Variants in TRERF1 observed in about 807,000 individuals in gnomAD.
TRERF1 encodes transcriptional regulating factor 1, also known as transcriptional-regulating factor 1.
TRERF1 carries 27 observed loss-of-function variants against 122.9 expected under a neutral mutation model. That is an observed-to-expected ratio of 0.22 (90% CI 0.16 to 0.30). TRERF1 has a LOEUF of 0.30. TRERF1 is among the 10% of genes least tolerant of loss of function. The pLI is 1.00. For missense variants in TRERF1, 1,248 were observed against 1,560.3 expected (o/e 0.80, Z 3.37); for synonymous variants, 636 against 641.7 (o/e 0.99, Z 0.13).
Position 42,269,593 on chromosome 6 carries a change from T to C in TRERF1, c.-3A>G. 6.2e-6 allele frequency: 10 copies of C among 1,612,344 alleles called. No individual in the cohort carries two copies. Among genetic ancestry groups the C allele is most frequent in the Non-Finnish European group, 8.5e-6 (10 of 1,178,576 alleles). ...TTGTACAGTTGCTGGTCACCCATGC[T>C]GTCTGCCTTGGTTGTGAACGTCCAG... is the stretch of plus-strand genomic sequence containing the variant. On this transcript the variant is annotated 5_prime_UTR_variant, in exon 5 of 18. Transcript: ENST00000372922. The surrounding 1 kb of genome is among the most constrained non-coding windows in gnomAD (Gnocchi z 4.9).
chr6:42,335,963 G>C (rs1766094107), intron 3 of TRERF1, among the ~76,000 whole-genome samples: 2 of 152,214 alleles, frequency 1.3e-5, no homozygotes, highest in Admixed American at 1.3e-4. Flanking sequence ...TTTTACATTT[G>C]TGCTGTTCAA....
At chr6:42,382,399 C>T (rs139375565) in intron 2 of TRERF1, among the ~76,000 whole-genome samples, 182 of 150,044 alleles carry the variant, frequency 1.2e-3, no homozygotes, top group Non-Finnish European at 1.8e-3. Context: ...TTAGCAAAAT[C>T]CTTCTCAAAG....
intron 3 of TRERF1, among the ~76,000 whole-genome samples, chr6:42,351,285 A>T (rs1769395212): frequency 6.6e-6 from 1 of 152,230 alleles, no homozygotes; most frequent in Non-Finnish European, 1.5e-5. Context: ...TCCCTGATGA[A>T]ATAATCAGAG....
In TRERF1 at chr6:42,268,974, TG is replaced by T; in HGVS notation, c.616del (p.Gln206SerfsTer127). On this transcript the variant is annotated frameshift_variant, in exon 5 of 18. Coordinates refer to ENST00000372922, the Ensembl canonical transcript of TRERF1. LOFTEE classifies it high-confidence loss of function. The surrounding 1 kb of genome is among the most constrained non-coding windows in gnomAD (Gnocchi z 4.4). Reference sequence around the variant, plus strand: ...ACCAGTGAAACCAGGGTGAGGCTGCTGGGGCACCTGCTGGTAGCGGGAAGGG... The same window carrying T: ...ACCAGTGAAACCAGGGTGAGGCTGCTGGGCACCTGCTGGTAGCGGGAAGGG... The T allele has an allele frequency of 6.2e-7, 1 of 1,612,298 alleles. No homozygotes were observed. The highest frequency in any genetic ancestry group is 8.5e-7 in the Non-Finnish European group (1 of 1,178,670).
intron 15 of TRERF1, 31 bp downstream of exon 15, chr6:42,243,217 G>T: frequency 6.3e-7 from 1 of 1,588,686 alleles, no homozygotes. Flanking sequence ...AGCTGTCCCA[G>T]CACAAGCAAC....
intron 3 of TRERF1, among the ~76,000 whole-genome samples, chr6:42,339,963 A>G (rs1296551762): frequency 6.6e-6 from 1 of 152,200 alleles, no homozygotes; most frequent in African/African-American, 2.4e-5. Context: ...TTCTGCGACC[A>G]TCAACATGTC....
intron 1 of TRERF1, among the ~76,000 whole-genome samples, chr6:42,451,760 C>G (rs1469708259): frequency 2.6e-5 from 4 of 152,096 alleles, no homozygotes; most frequent in Non-Finnish European, 5.9e-5. Context: ...GCCCTGCTCC[C>G]CTTCCTGCCC....
intron 2 of TRERF1, among the ~76,000 whole-genome samples, chr6:42,389,902 G>A (rs1311721986): frequency 1.3e-5 from 2 of 152,196 alleles, no homozygotes; most frequent in African/African-American, 4.8e-5. Context: ...TTGTCTAAAG[G>A]AACAATCTCT....
intron 3 of TRERF1, among the ~76,000 whole-genome samples, chr6:42,324,279 C>A (rs1763924828): frequency 6.6e-6 from 1 of 152,166 alleles, no homozygotes; most frequent in Non-Finnish European, 1.5e-5. Flanking sequence ...AAAAAACATT[C>A]CATGCTCTTG....
intron 3 of TRERF1, among the ~76,000 whole-genome samples, chr6:42,341,335 G>A (rs260275): frequency 0.036 from 5,432 of 152,302 alleles, 200 homozygotes; most frequent in African/African-American, 0.1. Flanking sequence ...AAATATCAAT[G>A]AGCATCATTC....
At chr6:42,266,005 C>T (rs1029665044) in intron 5 of TRERF1, among the ~76,000 whole-genome samples, 9 of 151,990 alleles carry the variant, frequency 5.9e-5, no homozygotes, top group African/African-American at 1.7e-4. Context: ...TTGGGACCAC[C>T]GCCCCACTCC....
At chr6:42,434,776 G>T (rs1301827107) in intron 2 of TRERF1, among the ~76,000 whole-genome samples, 1 of 151,364 alleles carries the variant, frequency 6.6e-6, no homozygotes, top group African/African-American at 2.4e-5. Flanking sequence ...TATATGGAAG[G>T]AAATGAAGAA....
intron 2 of TRERF1, among the ~76,000 whole-genome samples, chr6:42,400,495 T>C (rs945984048): frequency 6.6e-6 from 1 of 152,060 alleles, no homozygotes; most frequent in African/African-American, 2.4e-5. Context: ...TTATTGGGGG[T>C]ACACCTGGGG....
chr6:42,230,596 G>A (rs191849524), intron 17 of TRERF1, among the ~76,000 whole-genome samples: 29 of 152,222 alleles, frequency 1.9e-4, no homozygotes, highest in Non-Finnish European at 3.2e-4. Flanking sequence ...TCAGCTGAGG[G>A]TGGTTCCATC....
At chr6:42,443,110 T>C (rs921991867) in intron 2 of TRERF1, among the ~76,000 whole-genome samples, 3 of 152,198 alleles carry the variant, frequency 2.0e-5, no homozygotes, top group Admixed American at 1.3e-4. Context: ...CTTCTCTCTA[T>C]GAAACCAAAT....
chr6:42,376,323 C>A (rs1343917615), intron 2 of TRERF1, among the ~76,000 whole-genome samples: 3 of 152,204 alleles, frequency 2.0e-5, no homozygotes, highest in Non-Finnish European at 4.4e-5. Flanking sequence ...CACATATCCG[C>A]TTAGCATGAA....
intron 3 of TRERF1, among the ~76,000 whole-genome samples, chr6:42,358,783 C>CTT (rs397886998): frequency 3.9e-4 from 49 of 125,124 alleles, no homozygotes; most frequent in Admixed American, 7.4e-4. Flanking sequence ...TGACCTAAAG[C>CTT]TTTTTTTTTT....
At chr6:42,348,046 A>G (rs1261826272) in intron 3 of TRERF1, among the ~76,000 whole-genome samples, 1 of 152,238 alleles carries the variant, frequency 6.6e-6, no homozygotes, top group African/African-American at 2.4e-5. Context: ...AACCTTGCCA[A>G]TAGTGACCTT....
In TRERF1 at chr6:42,351,855, T is replaced by C. The variant is rs1232345523; in HGVS notation, c.-371+11142A>G. 5.3e-5 allele frequency among the ~76,000 whole-genome samples: 8 copies of C among 152,234 alleles called. No individual in the cohort carries two copies. In the East Asian group the frequency reaches 1.5e-3, roughly 29 times the overall value. On this transcript the variant is annotated intron_variant, in intron 3 of 17. Coordinates refer to ENST00000372922, the Ensembl canonical transcript of TRERF1. The stretch of plus-strand genomic sequence containing the variant: ...CAGGGGACTCCAAGACCCTAGGGAA[T>C]GGAAGAGCAACCAATGGAAGGGGCC...
Sources: gnomAD v4.1 joint callset for allele counts (sites outside exome capture counted in the v4.1 genomes callset) on GRCh38, gnomAD v4.1.1 for gene constraint, Gnocchi (gnomAD v3.1) non-coding constraint, MANE v1.5 for transcripts, NCBI Gene and HGNC (gene_info 2026-07-23, HGNC 2026-07-21) for gene names.